ARMH1: variants seen among roughly 807,000 people sequenced by gnomAD.
ARMH1 encodes armadillo like helical domain containing 1, also known as armadillo-like helical domain containing protein 1.
ARMH1 carries 34 observed loss-of-function variants against 50.2 expected under a neutral mutation model. That is an observed-to-expected ratio of 0.68 (90% CI 0.51 to 0.90). ARMH1 has a LOEUF of 0.90. Among genes scored for constraint, ARMH1 ranks in the 40% least tolerant of loss-of-function variants. The pLI is 0.00. For missense variants in ARMH1, 538 were observed against 553.9 expected (o/e 0.97, Z 0.29); for synonymous variants, 221 against 224.2 (o/e 0.99, Z 0.13).
At chr1:44,700,002 G>T (rs142885730) in intron 4 of ARMH1, among the ~76,000 whole-genome samples, 2,010 of 151,806 alleles carry the variant, frequency 0.013, 46 homozygotes, top group African/African-American at 0.046. Context: ...GCTAATTTTT[G>T]TATTTTTAAT....
At chr1:44,717,240 A>T (rs1239567536) in intron 6 of ARMH1, among the ~76,000 whole-genome samples, 3 of 152,210 alleles carry the variant, frequency 2.0e-5, no homozygotes, top group African/African-American at 7.2e-5. Context: ...AAATGAGAAA[A>T]ATGCCTGCTG....
chr1:44,697,930 T>C, intron 3 of ARMH1, 133 bp from the exon 4 acceptor site: 1 of 577,596 alleles, frequency 1.7e-6, no homozygotes, highest in Admixed American at 3.4e-5. Context: ...CACACTCGTA[T>C]CACTTTACCT....
rs77076528 is a variant in ARMH1, at chr1:44,689,442, T to A, written c.-22-234T>A. Among the ~76,000 whole-genome samples the A allele has an allele frequency of 8.9e-3, 1,348 of 152,216 alleles. 20 individuals carry two copies. The highest frequency in any genetic ancestry group is 0.03 in the African/African-American group (1,253 of 41,540). On this transcript the variant is annotated intron_variant, in intron 1 of 11. Transcript: ENST00000535358. ...AGTAGGGACGCCAAAGAGCTAAAAT[T>A]TTAGTTCTTAAAGAGCAGACATTTA...
intron 1 of ARMH1, 57 bp from the exon 2 acceptor site, chr1:44,689,619 T>A: frequency 7.6e-7 from 1 of 1,313,886 alleles, no homozygotes; most frequent in Non-Finnish European, 1.1e-6. Context: ...AGAAAAATAA[T>A]GGAGTTGCAT....
chr1:44,725,050 C>G, intron 10 of ARMH1, 86 bp from the exon 11 acceptor site: 1 of 1,539,170 alleles, frequency 6.5e-7, no homozygotes. Context: ...ACCCGCCCCC[C>G]ACCTGCAACA....
chr1:44,680,190 T>C (rs1225122408), intron 1 of ARMH1, among the ~76,000 whole-genome samples: 1 of 152,146 alleles, frequency 6.6e-6, no homozygotes, highest in Non-Finnish European at 1.5e-5. Flanking sequence ...TTTGTTTGTT[T>C]GTTTGTTGTT....
intron 6 of ARMH1, among the ~76,000 whole-genome samples, chr1:44,710,055 A>G (rs1157674158): frequency 6.6e-6 from 1 of 152,144 alleles, no homozygotes; most frequent in Non-Finnish European, 1.5e-5. Flanking sequence ...AAAGTACAAC[A>G]GTGGGGCTTG....
chr1:44,711,748 A>T (rs1646625108), intron 6 of ARMH1, among the ~76,000 whole-genome samples: 2 of 152,218 alleles, frequency 1.3e-5, no homozygotes, highest in African/African-American at 2.4e-5. Flanking sequence ...GTTCTCACAG[A>T]GCTTTGTTAC....
intron 6 of ARMH1, among the ~76,000 whole-genome samples, chr1:44,712,060 C>T (rs892028345): frequency 1.3e-5 from 2 of 152,232 alleles, no homozygotes; most frequent in African/African-American, 4.8e-5. Flanking sequence ...TAGAACAAGA[C>T]TTGCCTTGTT....
In ARMH1 at chr1:44,687,917, G is replaced by A. The variant is rs149759356; in HGVS notation, c.-22-1759G>A. Reference sequence around the variant, plus strand: ...CTTTGGCGTCCTGGAATCGCTGGGTGCATCTCTAATGGCACATTGAGTTTT... The same window carrying A: ...CTTTGGCGTCCTGGAATCGCTGGGTACATCTCTAATGGCACATTGAGTTTT... On this transcript the variant is annotated intron_variant, in intron 1 of 11. Transcript: ENST00000535358. 8.7e-3 allele frequency among the ~76,000 whole-genome samples: 1,321 copies of A among 152,282 alleles called. 19 individuals are homozygous for A. The highest frequency in any genetic ancestry group is 0.03 in the African/African-American group (1,247 of 41,536).
At position 44,714,036 on chromosome 1, in the gene ARMH1, G is replaced by A. The variant is rs562388194; in HGVS notation, c.724+9863G>A. Among the ~76,000 whole-genome samples, 14 of 152,294 alleles carry A rather than the reference G, an allele frequency of 9.2e-5. No homozygotes were observed. In the East Asian group the frequency reaches 2.5e-3, roughly 27 times the overall value. On this transcript the variant is annotated intron_variant, in intron 6 of 11. Coordinates refer to ENST00000535358, the MANE Select transcript of ARMH1 (RefSeq NM_001145636.2). The stretch of plus-strand genomic sequence containing the variant: ...CTCACGCATGTACCCAGCACTTTGG[G>A]AGGCCGGCGGATCACGAGGTCAGGA...
intron 1 of ARMH1, chr1:44,688,403 C>T (rs1206150390): frequency 1.3e-5 from 2 of 152,224 alleles, no homozygotes; most frequent in East Asian, 1.9e-4. Flanking sequence ...CCATCAATAT[C>T]TCAAATACAT....
chr1:44,690,016 G>A (rs547273108), intron 2 of ARMH1, 113 bp downstream of exon 2: 10 of 872,452 alleles, frequency 1.1e-5, no homozygotes, highest in African/African-American at 1.0e-4. Context: ...TCAGGAGTTC[G>A]AGACCAGCCT....
intron 6 of ARMH1, among the ~76,000 whole-genome samples, chr1:44,708,133 G>A (rs1004543329): frequency 6.6e-6 from 1 of 152,230 alleles, no homozygotes. Context: ...AAATTCGCAC[G>A]CCTTCAGTTT....
At position 44,686,067 on chromosome 1, in the gene ARMH1, G is replaced by A. The variant is rs114577413; in HGVS notation, c.-22-3609G>A. Among the ~76,000 whole-genome samples the A allele has an allele frequency of 7.2e-3, 1,101 of 152,296 alleles. 11 individuals carry two copies. The highest frequency in any genetic ancestry group is 0.016 in the South Asian group (77 of 4,826). ...TGTGAGAGACAGGAAATGGGCATCC[G>A]TCAGAAAAACTCGGCAAGAGGAAAT... On this transcript the variant is annotated intron_variant, in intron 1 of 11. Transcript: ENST00000535358.
Position 44,698,043 on chromosome 1 carries a change from T to A in ARMH1, c.276-20T>A. 2 of 1,508,504 alleles carry A rather than the reference T, an allele frequency of 1.3e-6. No individual in the cohort carries two copies. Among genetic ancestry groups the A allele is most frequent in the Non-Finnish European group, 1.8e-6 (2 of 1,120,762 alleles). The allele number at this position is 1,508,504 out of a possible 1,614,324, so 93.4% of individuals were successfully genotyped here. ...AACTTGACAAGAGTTTTATTTCTAC[T>A]TTTCTATCCCTCTGGACAGTAATCG... On this transcript the variant is annotated intron_variant, in intron 3 of 11. Transcript: ENST00000535358.
chr1:44,725,474 G>T lies in ARMH1; in HGVS notation c.*71G>T. 1 of 1,473,420 alleles carries T rather than the reference G, an allele frequency of 6.8e-7. No individual in the cohort carries two copies. The highest frequency in any genetic ancestry group is 9.3e-7 in the Non-Finnish European group (1 of 1,078,204). The allele number at this position is 1,473,420 out of a possible 1,614,324, so 91.3% of individuals were successfully genotyped here. A position where few individuals can be genotyped will look rare whatever the true frequency, so the allele number is the denominator to read the frequency against. Reference sequence around the variant, plus strand: ...AGCCTGGCAAGAGGAAGGCGCCTGGGGTCAAGCTCAGAGCCACTCCACTTG... The same window carrying T: ...AGCCTGGCAAGAGGAAGGCGCCTGGTGTCAAGCTCAGAGCCACTCCACTTG... On this transcript the variant is annotated 3_prime_UTR_variant, in exon 12 of 12. Transcript: ENST00000535358.
At position 44,708,183 on chromosome 1, in the gene ARMH1, A is replaced by G. The variant is rs149687350; in HGVS notation, c.724+4010A>G. Among the ~76,000 whole-genome samples, 992 of 152,338 alleles carry G rather than the reference A, an allele frequency of 6.5e-3. 16 individuals carry two copies. Among genetic ancestry groups the G allele is most frequent in the African/African-American group, 0.023 (938 of 41,576 alleles). ...CCCGAGGGAGGGAAGGAAAGTTCCT[A>G]CGGGTCCTACATGTGGTCCTAAACA... On this transcript the variant is annotated intron_variant, in intron 6 of 11. Transcript: ENST00000535358.
Position 44,704,117 on chromosome 1 carries a change from T to A in ARMH1, c.668T>A (p.Ile223Asn). 6.5e-7 allele frequency: 1 copy of A among 1,550,070 alleles called. No individual in the cohort carries two copies. Among genetic ancestry groups the A allele is most frequent in the Non-Finnish European group, 8.7e-7 (1 of 1,146,270 alleles). The stretch of plus-strand genomic sequence containing the variant: ...ATCATTGGGACCACACACCCCAGCA[T>A]CGTGGACTGCGTGCTGAAGGTGCTG... ...QPIIGTTHPS[I>N]VDCVLKVLGT... Residue 223 changes from isoleucine to asparagine, a missense_variant, in exon 6 of 12, where the codon ATC becomes AAC. Transcript: ENST00000535358.
Sources: allele counts gnomAD v4.1 joint callset (sites outside exome capture counted in the v4.1 genomes callset), GRCh38; gene constraint gnomAD v4.1.1; transcripts MANE v1.5; gene names NCBI Gene and HGNC (gene_info 2026-07-23, HGNC 2026-07-21).